The following PSD3 variants were observed in gnomAD, a reference collection of about 807,000 sequenced individuals.
The protein encoded by PSD3 is pleckstrin and Sec7 domain containing 3, also known as PH and SEC7 domain-containing protein 3.
Under a neutral mutation model 105.5 loss-of-function variants are expected in PSD3, and 49 were observed. That is an observed-to-expected ratio of 0.46 (90% CI 0.37 to 0.59). The LOEUF is 0.59. Ranked by LOEUF, PSD3 falls within the 20% of genes least tolerant of loss-of-function variation. The pLI is 0.00. For synonymous variants in PSD3, 557 were observed against 457.8 expected, an observed-to-expected ratio of 1.22 and a Z score of -2.77; for missense variants, 1,561 against 1,263.8, an observed-to-expected ratio of 1.24 and a Z score of -3.57.
intron 2 of PSD3, among the ~76,000 whole-genome samples, chr8:18,889,390 C>T (rs879457699): frequency 1.4e-4 from 22 of 152,104 alleles, no homozygotes; most frequent in African/African-American, 1.7e-4. Flanking sequence ...CCTGTGCGAG[C>T]GTGCCTGTGA....
chr8:19,021,139 A>C (rs894797937), intron 1 of PSD3, among the ~76,000 whole-genome samples: 1 of 152,222 alleles, frequency 6.6e-6, no homozygotes, highest in Admixed American at 6.5e-5. Context: ...GAGTAAGAAC[A>C]TGCAGAGGAA....
chr8:18,690,528 T>C (rs552749834), intron 9 of PSD3, among the ~76,000 whole-genome samples: 2 of 152,228 alleles, frequency 1.3e-5, no homozygotes, highest in Admixed American at 1.3e-4. Context: ...CAGCCTAGCT[T>C]CTTCTAACAC....
chr8:18,774,598 G>T, intron 8 of PSD3: 1 of 374,792 alleles, frequency 2.7e-6, no homozygotes, highest in South Asian at 2.2e-5. Flanking sequence ...TCCTGCTGCT[G>T]CTGCTTCTTG....
intron 8 of PSD3, among the ~76,000 whole-genome samples, chr8:18,790,293 CTTTT>C (rs939629761): frequency 6.7e-6 from 1 of 148,532 alleles, no homozygotes; most frequent in African/African-American, 2.5e-5. Context: ...TAACATTTTT[CTTTT>C]TTCTTTTCTT....
In PSD3 at chr8:18,871,487, C is replaced by T. The variant is rs2129457364; in HGVS notation, c.1238+139G>A. Reference sequence around the variant, plus strand: ...GGAATCTTAGCTTAGAAGGACCTAGCTCACAGTAACTCATCTTATATTCCA... The same window carrying T: ...GGAATCTTAGCTTAGAAGGACCTAGTTCACAGTAACTCATCTTATATTCCA... On this transcript the variant is annotated intron_variant, in intron 3 of 15. Transcript: ENST00000327040. 4 of 1,112,814 alleles carry T rather than the reference C, an allele frequency of 3.6e-6. No individual in the cohort carries two copies. The South Asian group carries it at 5.1e-5, about 14-fold the overall frequency. 68.9% of individuals were successfully genotyped at this position (1,112,814 alleles called of 1,614,324 possible).
At chr8:18,640,998 C>T (rs1181662382) in intron 10 of PSD3, among the ~76,000 whole-genome samples, 1 of 152,144 alleles carries the variant, frequency 6.6e-6, no homozygotes, top group Non-Finnish European at 1.5e-5. Flanking sequence ...GCTTGGTGGC[C>T]ACTCAGGTCC....
At chr8:18,573,174 A>C (rs1416252806) in intron 13 of PSD3, among the ~76,000 whole-genome samples, 1 of 152,184 alleles carries the variant, frequency 6.6e-6, no homozygotes, top group African/African-American at 2.4e-5. Context: ...AAGAGAAATA[A>C]AAACATATAG....
chr8:18,600,287 T>C (rs1229927970), intron 12 of PSD3, 77 bp downstream of exon 12: 3 of 1,267,376 alleles, frequency 2.4e-6, no homozygotes, highest in African/African-American at 3.0e-5. Context: ...TAAGGGAGAC[T>C]ACCGTACATA....
chr8:18,594,464 T>C (rs1389865909), intron 12 of PSD3, among the ~76,000 whole-genome samples: 1 of 130,080 alleles, frequency 7.7e-6, no homozygotes, highest in Non-Finnish European at 1.5e-5. Flanking sequence ...TTATATTATA[T>C]ATATACAAAA....
At chr8:18,682,372 T>G (rs188169460) in intron 9 of PSD3, among the ~76,000 whole-genome samples, 70 of 152,358 alleles carry the variant, frequency 4.6e-4, no homozygotes, top group Middle Eastern at 3.4e-3. Flanking sequence ...ATTACATACA[T>G]GCTCACATAC....
Position 18,587,908 on chromosome 8 carries a change from T to G in PSD3, c.2481+12456A>C, listed in dbSNP as rs1035563561. 4.7e-4 allele frequency among the ~76,000 whole-genome samples: 72 copies of G among 152,178 alleles called. 2 individuals carry two copies. Among genetic ancestry groups the G allele is most frequent in the Non-Finnish European group, 1.9e-4 (13 of 68,036 alleles). On this transcript the variant is annotated intron_variant, in intron 12 of 15. Coordinates refer to ENST00000327040, the MANE Select transcript of PSD3 (RefSeq NM_015310.4). ...TTGTAATCATATAATTTACTTTTTG[T>G]GTAGCATCTGCTATCACATGCTGGT...
intron 9 of PSD3, among the ~76,000 whole-genome samples, chr8:18,761,688 G>A (rs1241952844): frequency 3.9e-5 from 6 of 152,178 alleles, no homozygotes; most frequent in Admixed American, 2.6e-4. Context: ...GTTAGTACCT[G>A]TAATACTTAT....
At chr8:18,636,071 G>C (rs1585455891) in intron 10 of PSD3, among the ~76,000 whole-genome samples, 1 of 152,050 alleles carries the variant, frequency 6.6e-6, no homozygotes, top group African/African-American at 2.4e-5. Context: ...AATAAAAAAG[G>C]CTTTGTTATC....
chr8:18,761,376 C>T (rs1329670508), intron 9 of PSD3, among the ~76,000 whole-genome samples: 3 of 152,162 alleles, frequency 2.0e-5, no homozygotes, highest in Non-Finnish European at 4.4e-5. Flanking sequence ...GGATAGGGTC[C>T]TTCCAGCCCA....
At chr8:18,929,977 C>G (rs996409558) in intron 2 of PSD3, among the ~76,000 whole-genome samples, 2 of 152,070 alleles carry the variant, frequency 1.3e-5, no homozygotes, top group Non-Finnish European at 2.9e-5. Flanking sequence ...GAAGATCGTA[C>G]TTTAAAATAG....
chr8:18,810,924 C>T (rs1288509517), intron 4 of PSD3, among the ~76,000 whole-genome samples: 2 of 152,150 alleles, frequency 1.3e-5, no homozygotes, highest in Non-Finnish European at 2.9e-5. Context: ...GTAAGTACAC[C>T]ATCAGCAAAA....
intron 1 of PSD3, among the ~76,000 whole-genome samples, chr8:18,951,783 G>C (rs542878404): frequency 6.6e-6 from 1 of 151,920 alleles, no homozygotes; most frequent in South Asian, 2.1e-4. Context: ...TCAGGAGTTC[G>C]AGACCAACCT....
chr8:18,886,914 G>T (rs1028945547), intron 2 of PSD3: 4 of 152,142 alleles, frequency 2.6e-5, no homozygotes, highest in Non-Finnish European at 5.9e-5. Flanking sequence ...TGCCTCTGCC[G>T]CTCTCTACCT....
chr8:18,885,816 T>C (rs1229628623), intron 2 of PSD3, among the ~76,000 whole-genome samples: 1 of 152,234 alleles, frequency 6.6e-6, no homozygotes, highest in Non-Finnish European at 1.5e-5. Flanking sequence ...CTTGAATTAC[T>C]ATAAAAGCGA....
Sources: gnomAD v4.1 joint callset for allele counts (sites outside exome capture counted in the v4.1 genomes callset) on GRCh38, gnomAD v4.1.1 for gene constraint, MANE v1.5 for transcripts, NCBI Gene and HGNC (gene_info 2026-07-23, HGNC 2026-07-21) for gene names.